RANBP2: variants seen among roughly 807,000 people sequenced by gnomAD.
The protein encoded by RANBP2 is E3 SUMO-protein ligase RanBP2.
RANBP2 carries 57 observed loss-of-function variants against 303.6 expected under a neutral mutation model. That is an observed-to-expected ratio of 0.19 (90% CI 0.15 to 0.23). RANBP2 has a LOEUF of 0.23. Among genes scored for constraint, RANBP2 ranks in the 10% least tolerant of loss-of-function variants. The pLI, the probability that RANBP2 is intolerant of heterozygous loss-of-function variation, is 1.00. For synonymous variants in RANBP2, 1,167 were observed against 1,301.5 expected (o/e 0.90, Z 2.23); for missense variants, 3,138 against 3,780.8 (o/e 0.83, Z 4.46).
chr2:109,298,860 C>T, the RANBP2 span, among the ~76,000 whole-genome samples: 1 of 152,214 alleles, frequency 6.6e-6, no homozygotes, highest in Non-Finnish European at 1.5e-5. Context: ...TATTCTCAAA[C>T]AGTGACCAGA....
chr2:109,328,108 A>G, the RANBP2 span, among the ~76,000 whole-genome samples: 4,150 of 152,330 alleles, frequency 0.027, 208 homozygotes, highest in East Asian at 0.2. Context: ...ATGTATTACC[A>G]ACAGATGAAG....
At chr2:108,917,501 T>C in the RANBP2 span, among the ~76,000 whole-genome samples, 2 of 152,192 alleles carry the variant, frequency 1.3e-5, no homozygotes, top group African/African-American at 2.4e-5. Context: ...TATACATGTA[T>C]GGAAATTTCA....
At chr2:109,545,418 A>G in the RANBP2 span, 1 of 1,535,986 alleles carries the variant, frequency 6.5e-7, no homozygotes, top group South Asian at 1.2e-5. Context: ...TATCATCCAC[A>G]TGCTACTCAT....
chr2:109,024,358 G>A, the RANBP2 span, among the ~76,000 whole-genome samples: 1 of 152,232 alleles, frequency 6.6e-6, no homozygotes, highest in African/African-American at 2.4e-5. Context: ...AAGTCTGTAA[G>A]AAGCTGGTGT....
At chr2:109,309,678 C>CA in the RANBP2 span, among the ~76,000 whole-genome samples, 2 of 126,930 alleles carry the variant, frequency 1.6e-5, 1 homozygote, top group South Asian at 4.9e-4. Context: ...AAATGGAAAA[C>CA]AAAAAAAGGC....
chr2:109,371,982 C>T, the RANBP2 span, among the ~76,000 whole-genome samples: 17 of 152,288 alleles, frequency 1.1e-4, no homozygotes, highest in Non-Finnish European at 1.5e-4. Context: ...GGGACCCCTG[C>T]GCCTGGCACC....
chr2:109,719,821 G>A, the RANBP2 span, among the ~76,000 whole-genome samples: 2 of 152,200 alleles, frequency 1.3e-5, no homozygotes, highest in African/African-American at 4.8e-5. Context: ...CATCGACCAA[G>A]ATGATTCCTC....
chr2:108,933,540 G>A, the RANBP2 span, among the ~76,000 whole-genome samples: 36 of 152,194 alleles, frequency 2.4e-4, no homozygotes, highest in Admixed American at 3.9e-4. Context: ...TCACTTGGTG[G>A]AGACCTCCAG....
the RANBP2 span, among the ~76,000 whole-genome samples, chr2:108,936,875 T>G: frequency 1.2e-4 from 19 of 152,212 alleles, no homozygotes; most frequent in Non-Finnish European, 2.4e-4. Context: ...TCCTGCCCCA[T>G]GCAGCACTTA....
At chr2:109,299,547 C>A in the RANBP2 span, among the ~76,000 whole-genome samples, 1 of 152,130 alleles carries the variant, frequency 6.6e-6, no homozygotes, top group Admixed American at 6.5e-5. Context: ...ACTGCGCTCC[C>A]AGGGGAGTCA....
At chr2:109,126,323 C>G in the RANBP2 span, among the ~76,000 whole-genome samples, 1 of 152,202 alleles carries the variant, frequency 6.6e-6, no homozygotes, top group East Asian at 1.9e-4. Flanking sequence ...TTGCTCTTGT[C>G]TGTCTTGGGT....
At chr2:109,496,966 G>T in the RANBP2 span, among the ~76,000 whole-genome samples, 1 of 152,280 alleles carries the variant, frequency 6.6e-6, no homozygotes, top group Non-Finnish European at 1.5e-5. Context: ...GGAGGAAGAA[G>T]CCTCCAGAGA....
chr2:108,929,218 C>A, the RANBP2 span: 2 of 1,614,124 alleles, frequency 1.2e-6, no homozygotes, highest in Non-Finnish European at 1.7e-6. Context: ...AAGGGCCACA[C>A]TCAGCGTCAT....
At chr2:108,893,722 A>AATCT in the RANBP2 span, among the ~76,000 whole-genome samples, 2 of 152,160 alleles carry the variant, frequency 1.3e-5, no homozygotes, top group African/African-American at 4.8e-5. Flanking sequence ...AGGCCATGAC[A>AATCT]ATCTTAAACA....
chr2:109,739,064 T>C, the RANBP2 span, among the ~76,000 whole-genome samples: 2 of 129,868 alleles, frequency 1.5e-5, no homozygotes, highest in African/African-American at 3.1e-5. Flanking sequence ...GAGTTCACTG[T>C]AGGCATGTAG....
the RANBP2 span, among the ~76,000 whole-genome samples, chr2:109,484,766 C>T: frequency 5.9e-5 from 9 of 152,222 alleles, no homozygotes; most frequent in Non-Finnish European, 1.3e-4. Context: ...TCTGACCCTG[C>T]CTGCCCTGAG....
the RANBP2 span, among the ~76,000 whole-genome samples, chr2:108,870,645 A>G: frequency 6.6e-6 from 1 of 152,246 alleles, no homozygotes; most frequent in Non-Finnish European, 1.5e-5. Context: ...ACTATTATTC[A>G]GTCTAAGAAA....
At chr2:109,342,330 G>A in the RANBP2 span, among the ~76,000 whole-genome samples, 1 of 152,184 alleles carries the variant, frequency 6.6e-6, no homozygotes, top group African/African-American at 2.4e-5. Context: ...CCAGTCCCAG[G>A]GGACTGGTTT....
chr2:109,232,929 C>T, the RANBP2 span, among the ~76,000 whole-genome samples: 3 of 152,264 alleles, frequency 2.0e-5, no homozygotes, highest in East Asian at 1.9e-4. Flanking sequence ...GAGTGAGCAC[C>T]ACTGAGACAG....
Sources: gnomAD v4.1 joint callset for allele counts (sites outside exome capture counted in the v4.1 genomes callset) on GRCh38, gnomAD v4.1.1 for gene constraint, MANE v1.5 for transcripts, NCBI Gene and HGNC (gene_info 2026-07-23, HGNC 2026-07-21) for gene names.